The following NKAIN3 variants were observed in gnomAD, a reference collection of about 807,000 sequenced individuals.
NKAIN3 encodes the protein sodium/potassium-transporting ATPase subunit beta-1-interacting protein 3.
A neutral mutation model predicts 30.2 loss-of-function variants in NKAIN3; 25 were observed. That is an observed-to-expected ratio of 0.83 (90% CI 0.60 to 1.16). The LOEUF (loss-of-function observed/expected upper bound fraction) is 1.16, where lower values mean the gene tolerates loss of function less well. NKAIN3 is among the 50% of genes most tolerant of loss of function. The pLI, the probability that NKAIN3 is intolerant of heterozygous loss-of-function variation, is 0.00. For missense variants in NKAIN3, 225 were observed against 254.1 expected, an observed-to-expected ratio of 0.89 and a Z score of 0.78; for synonymous variants, 91 against 89.6, an observed-to-expected ratio of 1.02 and a Z score of -0.09.
intron 1 of NKAIN3, among the ~76,000 whole-genome samples, chr8:62,573,220 A>C (rs1428849500): frequency 6.6e-6 from 1 of 152,198 alleles, no homozygotes; most frequent in East Asian, 1.9e-4. Context: ...ATTTTATTCA[A>C]TAACCATACT....
At position 62,345,560 on chromosome 8, in the gene NKAIN3, T is replaced by TAC. The variant is rs1174167179; in HGVS notation, c.54+96437_54+96438dup. ...ACATATATACACATATATGTATATA[T>TAC]ACACATATATACACATATATGTATA... On this transcript the variant is annotated intron_variant, in intron 1 of 6. Transcript: ENST00000623646. Among the ~76,000 whole-genome samples the TAC allele has an allele frequency of 7.4e-4, 91 of 123,248 alleles. 2 individuals carry two copies. Among genetic ancestry groups the TAC allele is most frequent in the Middle Eastern group, 4.2e-3 (1 of 238 alleles). The allele number at this position is 123,248 out of a possible 152,430, so 80.9% of individuals were successfully genotyped here. A position where few individuals can be genotyped will look rare whatever the true frequency, so the allele number is the denominator to read the frequency against.
chr8:62,902,519 A>C (rs1294080638), intron 4 of NKAIN3, among the ~76,000 whole-genome samples: 1 of 152,170 alleles, frequency 6.6e-6, no homozygotes, highest in Admixed American at 6.5e-5. Context: ...ATAATTTATA[A>C]GTCCCCATAG....
At chr8:62,955,541 A>C (rs919593413) in intron 6 of NKAIN3, among the ~76,000 whole-genome samples, 4 of 152,186 alleles carry the variant, frequency 2.6e-5, no homozygotes, top group African/African-American at 9.7e-5. Flanking sequence ...CTGTGAAAAA[A>C]AAAACTCAGC....
intron 1 of NKAIN3, among the ~76,000 whole-genome samples, chr8:62,436,315 T>A (rs1409952276): frequency 6.6e-6 from 1 of 152,174 alleles, no homozygotes; most frequent in Non-Finnish European, 1.5e-5. Flanking sequence ...GGTAACCAGG[T>A]GAAGCCTTTC....
chr8:62,851,061 C>A (rs1819879384), intron 4 of NKAIN3, among the ~76,000 whole-genome samples: 1 of 151,988 alleles, frequency 6.6e-6, no homozygotes, highest in Admixed American at 6.6e-5. Context: ...TGGCCATTTT[C>A]ACAATATTGA....
At chr8:62,928,218 T>C (rs1397381770) in intron 5 of NKAIN3, among the ~76,000 whole-genome samples, 1 of 152,230 alleles carries the variant, frequency 6.6e-6, no homozygotes, top group Non-Finnish European at 1.5e-5. Context: ...CTAAATTGTA[T>C]AAGACACAAA....
chr8:62,401,626 A>C (rs1803876110), intron 1 of NKAIN3, among the ~76,000 whole-genome samples: 3 of 152,162 alleles, frequency 2.0e-5, no homozygotes, highest in South Asian at 4.1e-4. Context: ...TGGTTACTGC[A>C]GGCATATCTG....
intron 1 of NKAIN3, among the ~76,000 whole-genome samples, chr8:62,364,643 T>C (rs770259149): frequency 1.1e-4 from 17 of 151,674 alleles, no homozygotes; most frequent in Non-Finnish European, 2.4e-4. Flanking sequence ...GAGACCGACA[T>C]TCTGGCTAAC....
At chr8:62,776,102 T>C (rs1817183202) in intron 4 of NKAIN3, among the ~76,000 whole-genome samples, 1 of 152,164 alleles carries the variant, frequency 6.6e-6, no homozygotes, top group Admixed American at 6.5e-5. Context: ...GCTTTTTGTT[T>C]CCATTTGCAT....
intron 1 of NKAIN3, among the ~76,000 whole-genome samples, chr8:62,281,892 C>G (rs767025691): frequency 6.6e-6 from 1 of 152,050 alleles, no homozygotes; most frequent in African/African-American, 2.4e-5. Flanking sequence ...ACAAATATCA[C>G]AGGAAGGACA....
chr8:62,990,255 C>A, intron 5 of NKAIN3: 1 of 1,522,440 alleles, frequency 6.6e-7, no homozygotes. Flanking sequence ...ATATTATCAC[C>A]AAATTGTCAC....
At chr8:62,345,001 T>C (rs1316591195) in intron 1 of NKAIN3, 1 of 203,930 alleles carries the variant, frequency 4.9e-6, no homozygotes. Context: ...ATGGTATTCA[T>C]TGTAGAGATC....
chr8:62,324,718 C>T (rs1469035952), intron 1 of NKAIN3, among the ~76,000 whole-genome samples: 2 of 152,024 alleles, frequency 1.3e-5, no homozygotes, highest in Non-Finnish European at 2.9e-5. Flanking sequence ...TACATTTAAA[C>T]CATTTTAACT....
chr8:62,755,621 C>T (rs1201045049), intron 4 of NKAIN3, among the ~76,000 whole-genome samples: 2 of 151,914 alleles, frequency 1.3e-5, no homozygotes, highest in Non-Finnish European at 2.9e-5. Flanking sequence ...GTCCCAAAAG[C>T]CTCCCAGGAT....
intron 4 of NKAIN3, among the ~76,000 whole-genome samples, chr8:62,903,714 T>C (rs1434939964): frequency 6.6e-6 from 1 of 152,072 alleles, no homozygotes; most frequent in Non-Finnish European, 1.5e-5. Flanking sequence ...CAAGACTGGG[T>C]AATTTATAAA....
chr8:62,448,932 C>T (rs1443182102), intron 1 of NKAIN3, among the ~76,000 whole-genome samples: 1 of 151,854 alleles, frequency 6.6e-6, no homozygotes, highest in Non-Finnish European at 1.5e-5. Context: ...GTTATATTGT[C>T]TTATCCAATG....
intron 5 of NKAIN3, among the ~76,000 whole-genome samples, chr8:62,933,953 A>C (rs1822702242): frequency 6.6e-6 from 1 of 152,202 alleles, no homozygotes. Context: ...CAAGGCAGTC[A>C]CTCCATCTAA....
chr8:62,799,263 C>T (rs967049684), intron 4 of NKAIN3, among the ~76,000 whole-genome samples: 5 of 152,090 alleles, frequency 3.3e-5, no homozygotes, highest in Admixed American at 2.0e-4. Flanking sequence ...AGACAACCCA[C>T]AAAGTGTGAG....
At chr8:62,295,877 C>T (rs1185088167) in intron 1 of NKAIN3, among the ~76,000 whole-genome samples, 1 of 152,104 alleles carries the variant, frequency 6.6e-6, no homozygotes, top group African/African-American at 2.4e-5. Flanking sequence ...GGGGATATAG[C>T]AATGAACAAG....
Sources: allele counts gnomAD v4.1 joint callset (sites outside exome capture counted in the v4.1 genomes callset), GRCh38; gene constraint gnomAD v4.1.1; transcripts MANE v1.5; gene names NCBI Gene and HGNC (gene_info 2026-07-23, HGNC 2026-07-21).